The following FGF14 variants were observed in gnomAD, a reference collection of about 807,000 sequenced individuals.
FGF14 encodes fibroblast growth factor 14.
Under a neutral mutation model 25.5 loss-of-function variants are expected in FGF14, and 5 were observed. The ratio of observed to expected loss-of-function variants is 0.20; its 90% CI spans 0.10 to 0.41. FGF14 has a LOEUF of 0.41. FGF14 is among the 10% of genes least tolerant of loss of function. The pLI, the probability that FGF14 is intolerant of heterozygous loss-of-function variation, is 1.00. For missense variants in FGF14, 222 were observed against 320.1 expected (o/e 0.69, Z 2.34); for synonymous variants, 138 against 118.3 (o/e 1.17, Z -1.08).
intron 3 of FGF14, among the ~76,000 whole-genome samples, chr13:101,772,657 T>C (rs1348477924): frequency 6.6e-6 from 1 of 152,098 alleles, no homozygotes; most frequent in Non-Finnish European, 1.5e-5. Flanking sequence ...AAGGCTGAAT[T>C]AAACAGATAC....
At chr13:101,903,656 A>T (rs575123439) in intron 1 of FGF14, among the ~76,000 whole-genome samples, 2 of 152,286 alleles carry the variant, frequency 1.3e-5, no homozygotes, top group East Asian at 3.9e-4. Context: ...GTGTGCCACA[A>T]ATATACAGAA....
At chr13:101,864,740 C>G (rs901479337) in intron 3 of FGF14, among the ~76,000 whole-genome samples, 2 of 152,048 alleles carry the variant, frequency 1.3e-5, no homozygotes, top group South Asian at 4.2e-4. Flanking sequence ...CACTTACGAC[C>G]GCGAAGATGC....
chr13:102,395,869 T>C (rs1754232945), intron 1 of FGF14, among the ~76,000 whole-genome samples: 2 of 152,200 alleles, frequency 1.3e-5, no homozygotes, highest in South Asian at 4.1e-4. Context: ...TGCCTTCAAG[T>C]TTAGGAAGTC....
At chr13:102,181,243 C>T (rs1275381993) in intron 1 of FGF14, among the ~76,000 whole-genome samples, 1 of 152,152 alleles carries the variant, frequency 6.6e-6, no homozygotes, top group Non-Finnish European at 1.5e-5. Flanking sequence ...GAATAACGAT[C>T]TCCGAAGACG....
intron 3 of FGF14, among the ~76,000 whole-genome samples, chr13:101,756,119 C>A (rs960635951): frequency 3.3e-5 from 5 of 152,090 alleles, no homozygotes; most frequent in Admixed American, 6.5e-5. Flanking sequence ...CAGACTGCAA[C>A]CTTCCTTCAA....
At chr13:101,742,210 A>G (rs2036599445) in intron 3 of FGF14, among the ~76,000 whole-genome samples, 1 of 152,144 alleles carries the variant, frequency 6.6e-6, no homozygotes, top group African/African-American at 2.4e-5. Flanking sequence ...CAAATACCTG[A>G]TGCATGCAGG....
chr13:101,754,033 G>T (rs749258429), intron 3 of FGF14, among the ~76,000 whole-genome samples: 1 of 152,126 alleles, frequency 6.6e-6, no homozygotes, highest in South Asian at 2.1e-4. Flanking sequence ...ACGTATGCCC[G>T]CGTGCCTGGA....
At position 101,718,232 on chromosome 13, in the gene FGF14, GTGTT is replaced by G. The variant is rs2034797623; in HGVS notation, c.*4595_*4598del. On this transcript the variant is annotated 3_prime_UTR_variant, in exon 5 of 5. Coordinates refer to ENST00000376143, the MANE Select transcript of FGF14 (RefSeq NM_004115.4). ...GTCCACTATGTTTGTGTGTATGTGT[GTGTT>G]TGTGTGTGTATGTGTGGTTTTGATG... The G allele has an allele frequency of 1.3e-5, 2 of 152,110 alleles. No individual in the cohort carries two copies. The highest frequency in any genetic ancestry group is 2.1e-4 in the South Asian group (1 of 4,826). 9.4% of individuals were successfully genotyped at this position (152,110 alleles called of 1,614,324 possible).
intron 1 of FGF14, among the ~76,000 whole-genome samples, chr13:101,901,622 T>G (rs1352104682): frequency 6.6e-6 from 1 of 152,160 alleles, no homozygotes; most frequent in African/African-American, 2.4e-5. Flanking sequence ...GAGAATTACT[T>G]GAACCCCAGA....
At chr13:101,920,190 A>T (rs1331462980), upstream of FGF14, among the ~76,000 whole-genome samples, 2 of 152,226 alleles carry the variant, frequency 1.3e-5, no homozygotes, top group Non-Finnish European at 2.9e-5. Context: ...GCCGGTGAAC[A>T]CAAATGTAAA....
rs558053967 is a variant in FGF14, at chr13:102,305,024, T to G, written c.208+96447A>C. Among the ~76,000 whole-genome samples, 3 of 152,288 alleles carry G rather than the reference T, an allele frequency of 2.0e-5. No individual in the cohort carries two copies. In the East Asian group the frequency reaches 5.8e-4, roughly 29 times the overall value. ...ATGCAGCAAAAAATAACTAAAACAG[T>G]GTGCATACAAAATCCATTTGTAAGG... On this transcript the variant is annotated intron_variant, in intron 1 of 4. Transcript: ENST00000376131.
intron 1 of FGF14, among the ~76,000 whole-genome samples, chr13:101,898,964 T>G (rs923543501): frequency 1.3e-5 from 2 of 152,168 alleles, no homozygotes; most frequent in African/African-American, 2.4e-5. Context: ...AAGCTGAGAA[T>G]CAGAGCAAAG....
Position 102,161,570 on chromosome 13 carries a change from AAAGAAAGAAGAAGAAGAAGAAGAAGAAG to A in FGF14, c.208+239873_208+239900del. ...TCTATGCAACCAACTTTCTGTGAAG[AAAGAAAGAAGAAGAAGAAGAAGAAGAAG>A]AAGAAGAAGAAGAAGAAGAAGAAGA... On this transcript the variant is annotated intron_variant, in intron 1 of 4. Coordinates refer to the FGF14 transcript ENST00000376131. 9.2e-3 allele frequency among the ~76,000 whole-genome samples: 52 copies of A among 5,650 alleles called. 2 individuals carry two copies. Among genetic ancestry groups the A allele is most frequent in the Middle Eastern group, 0.056 (1 of 18 alleles). 3.7% of individuals were successfully genotyped at this position (5,650 alleles called of 152,430 possible). A position where few individuals can be genotyped will look rare whatever the true frequency, so the allele number is the denominator to read the frequency against.
exon 1 of FGF14, chr13:102,401,756 ATTGT>A (rs1472078824): frequency 4.0e-6 from 5 of 1,238,750 alleles, no homozygotes; most frequent in African/African-American, 3.0e-5. Flanking sequence ...CTTCTCAGTG[ATTGT>A]TTGTTTTCGG....
upstream of FGF14, chr13:102,402,300 T>G (rs1249651402): frequency 6.5e-6 from 1 of 153,080 alleles, no homozygotes; most frequent in African/African-American, 2.4e-5. Flanking sequence ...CTTGTCAGTC[T>G]TGTAGTAGGT....
intron 1 of FGF14, among the ~76,000 whole-genome samples, chr13:102,174,444 G>C (rs1168938905): frequency 3.3e-5 from 5 of 151,664 alleles, no homozygotes; most frequent in Admixed American, 2.6e-4. Flanking sequence ...GGGATTACAG[G>C]AATGAGCCAC....
chr13:102,032,770 G>C (rs1403302258), intron 1 of FGF14, among the ~76,000 whole-genome samples: 1 of 152,092 alleles, frequency 6.6e-6, no homozygotes, highest in African/African-American at 2.4e-5. Flanking sequence ...GCTGTACTAG[G>C]ATGGCACCAT....
At chr13:102,272,125 T>C (rs2053278511) in intron 1 of FGF14, among the ~76,000 whole-genome samples, 1 of 152,198 alleles carries the variant, frequency 6.6e-6, no homozygotes, top group African/African-American at 2.4e-5. Context: ...CCAGCCACTC[T>C]GACATTTTTT....
intron 1 of FGF14, among the ~76,000 whole-genome samples, chr13:102,383,241 T>C (rs953597620): frequency 1.3e-5 from 2 of 152,160 alleles, no homozygotes; most frequent in Non-Finnish European, 2.9e-5. Context: ...GTTATAAAAA[T>C]AATTGTTATA....
Sources: allele counts gnomAD v4.1 joint callset (sites outside exome capture counted in the v4.1 genomes callset), GRCh38; gene constraint gnomAD v4.1.1; transcripts MANE v1.5; gene names NCBI Gene and HGNC (gene_info 2026-07-23, HGNC 2026-07-21).